PDLIM5: variants seen among roughly 807,000 people sequenced by gnomAD.
The protein encoded by PDLIM5 is PDZ and LIM domain 5, also known as PDZ and LIM domain protein 5.
Under a neutral mutation model 64.2 loss-of-function variants are expected in PDLIM5, and 34 were observed. The observed-to-expected ratio is 0.53, with a 90% CI of 0.40 to 0.71. The LOEUF (loss-of-function observed/expected upper bound fraction) is 0.71, where lower values mean the gene tolerates loss of function less well. Among genes scored for constraint, PDLIM5 ranks in the 30% least tolerant of loss-of-function variants. PDLIM5 has a pLI of 0.00. For missense variants in PDLIM5, 683 were observed against 733.6 expected (o/e 0.93, Z 0.80); for synonymous variants, 253 against 269.1 (o/e 0.94, Z 0.59).
At chr4:94,466,483 T>C (rs1724375222) in intron 2 of PDLIM5, among the ~76,000 whole-genome samples, 1 of 152,224 alleles carries the variant, frequency 6.6e-6, no homozygotes, top group Admixed American at 6.5e-5. Flanking sequence ...ATTTTTAACA[T>C]GCTTTCTAGA....
Position 94,663,913 on chromosome 4 carries a change from A to G in PDLIM5, c.1702-65A>G, listed in dbSNP as rs577674214. 70 of 1,521,838 alleles carry G rather than the reference A, an allele frequency of 4.6e-5. No individual in the cohort carries two copies. In the Middle Eastern group the frequency reaches 5.2e-4, roughly 11 times the overall value. 94.3% of individuals were successfully genotyped at this position (1,521,838 alleles called of 1,614,324 possible). A position where few individuals can be genotyped will look rare whatever the true frequency, so the allele number is the denominator to read the frequency against. ...AAAAATCACTCTCTCCTTCTCCAGC[A>G]TACTGGGTAAAATCCTCTTAATATC... is the stretch of plus-strand genomic sequence containing the variant. On this transcript the variant is annotated intron_variant, in intron 12 of 12. Coordinates refer to ENST00000317968, the MANE Select transcript of PDLIM5 (RefSeq NM_006457.5).
intron 3 of PDLIM5, among the ~76,000 whole-genome samples, chr4:94,531,893 C>A (rs1159195423): frequency 6.6e-6 from 1 of 151,856 alleles, no homozygotes; most frequent in Non-Finnish European, 1.5e-5. Context: ...AAATTATTTT[C>A]TGTGTGCTTT....
At chr4:94,470,061 G>T (rs1469444844) in intron 2 of PDLIM5, among the ~76,000 whole-genome samples, 1 of 150,192 alleles carries the variant, frequency 6.7e-6, no homozygotes, top group Non-Finnish European at 1.5e-5. Flanking sequence ...CCGCCTCTCG[G>T]GTTTAAGTAA....
At position 94,575,801 on chromosome 4, in the gene PDLIM5, A is replaced by C. The variant is rs748662670; in HGVS notation, c.477A>C (p.Ser159=). 1 of 1,613,902 alleles carries C rather than the reference A, an allele frequency of 6.2e-7. No homozygotes were observed. The highest frequency in any genetic ancestry group is 1.1e-5 in the South Asian group (1 of 91,064). ...AFTPAHATTS[S]HASPSPVAAV... is the part of the protein sequence containing the mutation. ...CCCCAGCCCATGCGACCACCTCATC[A>C]CATGCTTCCCCTTCACCCGTGGCTG... Residue 159 remains serine (S), a synonymous_variant, in exon 5 of 13, where the codon TCA becomes TCC. Transcript: ENST00000317968.
intron 3 of PDLIM5, among the ~76,000 whole-genome samples, chr4:94,563,882 C>G (rs1485701620): frequency 6.6e-6 from 1 of 150,570 alleles, no homozygotes; most frequent in Non-Finnish European, 1.5e-5. Flanking sequence ...TTGCTTAACA[C>G]TGAGATTTGG....
In PDLIM5 at chr4:94,611,176, G is replaced by T. The variant is rs374239277; in HGVS notation, c.921-6828G>T. On this transcript the variant is annotated intron_variant, in intron 7 of 12. Transcript: ENST00000317968. ...CTGCAGTCCTCAAGGAAATCAACTG[G>T]CTCTATCCATGTTAAGAAAACAAGG... The T allele has an allele frequency of 5.9e-6, 9 of 1,535,160 alleles. No individual in the cohort carries two copies. In the African/African-American group the frequency reaches 9.6e-5, roughly 16 times the overall value.
intron 9 of PDLIM5, among the ~76,000 whole-genome samples, chr4:94,646,999 T>C (rs1741467880): frequency 6.6e-6 from 1 of 152,212 alleles, no homozygotes; most frequent in Admixed American, 6.5e-5. Flanking sequence ...TCACATCTTC[T>C]TTCTCCTCAA....
chr4:94,581,499 A>G (rs1735726378), intron 5 of PDLIM5, among the ~76,000 whole-genome samples: 3 of 152,146 alleles, frequency 2.0e-5, no homozygotes. Flanking sequence ...AATGCTGTGC[A>G]TTTGTGGCTG....
Position 94,562,506 on chromosome 4 carries a change from C to A in PDLIM5, c.249-10845C>A, listed in dbSNP as rs141178719. 2.3e-3 allele frequency among the ~76,000 whole-genome samples: 349 copies of A among 152,160 alleles called. 1 individual carries two copies. Among genetic ancestry groups the A allele is most frequent in the East Asian group, 0.017 (86 of 5,178 alleles). ...CTGGTACCAGTCTAAACTGTTTGTTCCTGGTCTGTAGGGAGATAAGCACTG... is the reference window on the plus strand; with the variant it reads ...CTGGTACCAGTCTAAACTGTTTGTTACTGGTCTGTAGGGAGATAAGCACTG... On this transcript the variant is annotated intron_variant, in intron 3 of 12. Transcript: ENST00000317968.
At chr4:94,631,715 T>A (rs1740162499) in intron 8 of PDLIM5, among the ~76,000 whole-genome samples, 1 of 152,102 alleles carries the variant, frequency 6.6e-6, no homozygotes, top group East Asian at 1.9e-4. Context: ...GTTTTTGGAG[T>A]GAAATAGACA....
At chr4:94,574,650 G>A (rs1249344305) in intron 4 of PDLIM5, among the ~76,000 whole-genome samples, 4 of 152,090 alleles carry the variant, frequency 2.6e-5, no homozygotes, top group Non-Finnish European at 4.4e-5. Context: ...GAAGTCTAAC[G>A]CTCTACCTCT....
At chr4:94,506,562 T>A (rs1728414876) in intron 2 of PDLIM5, among the ~76,000 whole-genome samples, 1 of 152,168 alleles carries the variant, frequency 6.6e-6, no homozygotes, top group Admixed American at 6.5e-5. Flanking sequence ...ATTTTATTCA[T>A]GGAGATGGAG....
At chr4:94,639,158 C>G (rs1329112347) in intron 8 of PDLIM5, among the ~76,000 whole-genome samples, 1 of 152,014 alleles carries the variant, frequency 6.6e-6, no homozygotes, top group Non-Finnish European at 1.5e-5. Flanking sequence ...TGAAAACAGC[C>G]TGAGCATACA....
At chr4:94,637,103 A>G (rs931578344) in intron 8 of PDLIM5, among the ~76,000 whole-genome samples, 2 of 152,208 alleles carry the variant, frequency 1.3e-5, no homozygotes, top group African/African-American at 4.8e-5. Flanking sequence ...AAACTATAGC[A>G]TAGTTTAAGA....
chr4:94,476,165 A>C (rs1390413064), intron 2 of PDLIM5, among the ~76,000 whole-genome samples: 1 of 152,160 alleles, frequency 6.6e-6, no homozygotes. Context: ...ACTGTTGAAC[A>C]CTGAAACCTG....
chr4:94,462,569 T>C (rs943557326), intron 2 of PDLIM5, among the ~76,000 whole-genome samples: 6 of 152,184 alleles, frequency 3.9e-5, no homozygotes, highest in Non-Finnish European at 8.8e-5. Flanking sequence ...TATATATATA[T>C]GTGTAGACAT....
At chr4:94,655,194 ATTT>A (rs1320062996) in intron 10 of PDLIM5, among the ~76,000 whole-genome samples, 1 of 152,016 alleles carries the variant, frequency 6.6e-6, no homozygotes. Flanking sequence ...TGGAAAAATA[ATTT>A]TTTTTCCTTT....
chr4:94,654,726 T>G, intron 10 of PDLIM5, 86 bp downstream of exon 10: 1 of 866,848 alleles, frequency 1.2e-6, no homozygotes, highest in Non-Finnish European at 1.8e-6. Context: ...CTTTAACTTT[T>G]TATTTTCTTC....
At position 94,665,072 on chromosome 4, in the gene PDLIM5, T is replaced by G. The variant is rs1743004669; in HGVS notation, c.*1005T>G. The G allele has an allele frequency of 3.1e-6, 3 of 973,306 alleles. No homozygotes were observed. Among genetic ancestry groups the G allele is most frequent in the Non-Finnish European group, 3.7e-6 (3 of 818,686 alleles). The allele number at this position is 973,306 out of a possible 1,614,324, so 60.3% of individuals were successfully genotyped here. Reference sequence around the variant, plus strand: ...CCTTTTACTAAAATGTGATTGTTTCTATTCATTGTGTATGCTTCATCACCT... The same window carrying G: ...CCTTTTACTAAAATGTGATTGTTTCGATTCATTGTGTATGCTTCATCACCT... On this transcript the variant is annotated 3_prime_UTR_variant, in exon 13 of 13. Transcript: ENST00000317968.
Sources: gnomAD v4.1 joint callset for allele counts (sites outside exome capture counted in the v4.1 genomes callset) on GRCh38, gnomAD v4.1.1 for gene constraint, MANE v1.5 for transcripts, NCBI Gene and HGNC (gene_info 2026-07-23, HGNC 2026-07-21) for gene names.